Variants in DOCK3 observed in about 807,000 individuals in gnomAD.
DOCK3 encodes the protein dedicator of cytokinesis protein 3.
A neutral mutation model predicts 265.6 loss-of-function variants in DOCK3; 60 were observed. That is an observed-to-expected ratio of 0.23 (90% confidence interval 0.18 to 0.28). The LOEUF is 0.28. DOCK3 is among the 10% of genes least tolerant of loss of function. DOCK3 has a pLI of 1.00. For synonymous variants in DOCK3, 881 were observed against 938.0 expected (o/e 0.94, Z 1.11); for missense variants, 1,981 against 2,594.3 (o/e 0.76, Z 5.14).
intron 27 of DOCK3, among the ~76,000 whole-genome samples, chr3:51,294,738 G>A (rs991891021): frequency 2.6e-5 from 4 of 151,596 alleles, no homozygotes; most frequent in Admixed American, 6.6e-5. Flanking sequence ...TAGAATGATG[G>A]TTACCAGAGG....
intron 9 of DOCK3, among the ~76,000 whole-genome samples, chr3:51,124,898 G>A (rs1009458897): frequency 1.5e-4 from 22 of 151,568 alleles, no homozygotes; most frequent in Non-Finnish European, 2.8e-4. Flanking sequence ...GGGAGGCTGC[G>A]GTGGGTGGAT....
In DOCK3 at chr3:51,214,251, T is replaced by C. The variant is rs2108221639; in HGVS notation, c.1252+4T>C. 6.2e-7 allele frequency: 1 copy of C among 1,613,474 alleles called. No homozygotes were observed. Among genetic ancestry groups the C allele is most frequent in the East Asian group, 2.2e-5 (1 of 44,848 alleles). ...TTTCCTGATGTCATTATGCCAGGTA[T>C]GCAGAACTGCTTGGGGCTGGGAAGG... On this transcript the variant is annotated splice_donor_region_variant and intron_variant, in intron 14 of 52. Transcript: ENST00000266037.
chr3:50,851,911 G>T (rs181179680), intron 3 of DOCK3, among the ~76,000 whole-genome samples: 2 of 152,332 alleles, frequency 1.3e-5, no homozygotes. Context: ...GATTAAAAAC[G>T]ACATTCTGCT....
chr3:50,783,699 G>A (rs1344149330), intron 2 of DOCK3, among the ~76,000 whole-genome samples: 1 of 152,010 alleles, frequency 6.6e-6, no homozygotes, highest in Non-Finnish European at 1.5e-5. Context: ...AAGCTTTTTA[G>A]TTTAAGTAAG....
At chr3:51,114,656 T>A in intron 9 of DOCK3, among the ~76,000 whole-genome samples, 1 of 152,160 alleles carries the variant, frequency 6.6e-6, no homozygotes, top group East Asian at 1.9e-4. Flanking sequence ...TGTTTCTTTG[T>A]TTTTATTGTT....
chr3:51,319,404 A>G (rs959174705), intron 32 of DOCK3, among the ~76,000 whole-genome samples: 1 of 152,068 alleles, frequency 6.6e-6, no homozygotes, highest in Non-Finnish European at 1.5e-5. Flanking sequence ...GATAAAAAAA[A>G]AAAAAAAAAC....
intron 3 of DOCK3, among the ~76,000 whole-genome samples, chr3:50,858,279 G>A (rs1354518696): frequency 6.6e-6 from 1 of 152,062 alleles, no homozygotes; most frequent in Non-Finnish European, 1.5e-5. Context: ...GGCCTGTTGT[G>A]GGATGGGGGT....
intron 23 of DOCK3, among the ~76,000 whole-genome samples, chr3:51,269,900 G>T (rs987586380): frequency 6.6e-6 from 1 of 151,932 alleles, no homozygotes; most frequent in African/African-American, 2.4e-5. Flanking sequence ...TTATAGATGG[G>T]GAAACAGAGA....
chr3:51,328,378 G>A (rs2084291865), intron 32 of DOCK3, among the ~76,000 whole-genome samples: 1 of 152,102 alleles, frequency 6.6e-6, no homozygotes, highest in Non-Finnish European at 1.5e-5. Context: ...ACCCAGTGAG[G>A]CAAGAAAAGC....
Position 50,962,959 on chromosome 3 carries a change from G to A in DOCK3, c.315+28882G>A, listed in dbSNP as rs1001039924. ...CCCATCACTTTGGGAGGCCGAGGCG[G>A]GTAGATCACCTGAGGTCAGGAGTTT... On this transcript the variant is annotated intron_variant, in intron 5 of 52. Transcript: ENST00000266037. 3.3e-5 allele frequency among the ~76,000 whole-genome samples: 5 copies of A among 152,200 alleles called. No homozygotes were observed. In the East Asian group the frequency reaches 9.6e-4, roughly 29 times the overall value.
intron 5 of DOCK3, among the ~76,000 whole-genome samples, chr3:50,937,648 T>C (rs78751360): frequency 0.025 from 3,793 of 152,198 alleles, 183 homozygotes; most frequent in African/African-American, 0.087. Context: ...AGAGCGAGAC[T>C]CTGTCTCGAA....
At chr3:51,144,736 A>G (rs920699576) in intron 9 of DOCK3, among the ~76,000 whole-genome samples, 1 of 152,220 alleles carries the variant, frequency 6.6e-6, no homozygotes, top group Non-Finnish European at 1.5e-5. Flanking sequence ...TACCTTGTAT[A>G]TGTCTTGTTC....
At chr3:51,207,727 G>T (rs751931768) in intron 12 of DOCK3, among the ~76,000 whole-genome samples, 1 of 152,012 alleles carries the variant, frequency 6.6e-6, no homozygotes, top group Non-Finnish European at 1.5e-5. Flanking sequence ...TCTTACTGGG[G>T]TCTCCTCCTG....
chr3:51,244,216 A>AT (rs34875526), intron 21 of DOCK3, among the ~76,000 whole-genome samples: 122,232 of 149,382 alleles, frequency 0.82, 50,458 homozygotes, highest in Middle Eastern at 0.89. Context: ...ATTAGGATGG[A>AT]TTTTTTTTTT....
chr3:50,797,774 A>T (rs1026986618), intron 2 of DOCK3, among the ~76,000 whole-genome samples: 1 of 152,170 alleles, frequency 6.6e-6, no homozygotes, highest in Non-Finnish European at 1.5e-5. Flanking sequence ...GTGATGATTA[A>T]TGATGTTGAG....
At chr3:50,881,784 C>G (rs908563285) in intron 3 of DOCK3, among the ~76,000 whole-genome samples, 2 of 152,080 alleles carry the variant, frequency 1.3e-5, no homozygotes, top group African/African-American at 4.8e-5. Context: ...TTATATGGAA[C>G]CAAAAAGGAG....
At chr3:51,380,950 G>T in intron 52 of DOCK3, 100 bp from the exon 53 acceptor site, 3 of 1,422,548 alleles carry the variant, frequency 2.1e-6, no homozygotes. Context: ...GTTGATGAGG[G>T]TTAAAGTTCA....
intron 4 of DOCK3, among the ~76,000 whole-genome samples, chr3:50,905,482 C>G (rs932341978): frequency 2.0e-5 from 3 of 152,126 alleles, no homozygotes; most frequent in Middle Eastern, 3.4e-3. Flanking sequence ...CTTCACATCC[C>G]TTGTAAGTTG....
chr3:51,037,605 C>G (rs1308029404), intron 5 of DOCK3, among the ~76,000 whole-genome samples: 1 of 152,106 alleles, frequency 6.6e-6, no homozygotes, highest in Non-Finnish European at 1.5e-5. Flanking sequence ...TAGTTAATTT[C>G]ATTAAATTAC....
Sources: gnomAD v4.1 joint callset for allele counts (sites outside exome capture counted in the v4.1 genomes callset) on GRCh38, gnomAD v4.1.1 for gene constraint, MANE v1.5 for transcripts, NCBI Gene and HGNC (gene_info 2026-07-23, HGNC 2026-07-21) for gene names.